PTPRN2: variants seen among roughly 807,000 people sequenced by gnomAD.
PTPRN2 encodes the protein receptor-type tyrosine-protein phosphatase N2.
In PTPRN2, 74 loss-of-function variants were observed where a neutral mutation model predicts 118.8. The observed-to-expected ratio is 0.62, with a 90% confidence interval of 0.52 to 0.76. The LOEUF is 0.76. PTPRN2 is among the 30% of genes least tolerant of loss of function. PTPRN2 has a pLI of 0.00. For missense variants in PTPRN2, 1,481 were observed against 1,394.4 expected, an observed-to-expected ratio of 1.06 and a Z score of -0.99; for synonymous variants, 641 against 608.0, an observed-to-expected ratio of 1.05 and a Z score of -0.80.
intron 1 of PTPRN2, among the ~76,000 whole-genome samples, chr7:158,532,565 G>A (rs1396507455): frequency 1.3e-5 from 2 of 152,086 alleles, no homozygotes; most frequent in Admixed American, 6.5e-5. Flanking sequence ...GCTATTGTAT[G>A]TGACTTTGAT....
chr7:158,354,066 T>G (rs951513924), intron 2 of PTPRN2, among the ~76,000 whole-genome samples: 1 of 152,214 alleles, frequency 6.6e-6, no homozygotes, highest in African/African-American at 2.4e-5. Flanking sequence ...TCCCACGTTA[T>G]CAGGACATCC....
intron 10 of PTPRN2, among the ~76,000 whole-genome samples, chr7:158,106,126 TTCATC>T (rs1162765279): frequency 6.6e-6 from 1 of 151,938 alleles, no homozygotes; most frequent in Non-Finnish European, 1.5e-5. Flanking sequence ...TGTCCTCAGA[TTCATC>T]TCAGCTTTTT....
intron 5 of PTPRN2, among the ~76,000 whole-genome samples, chr7:158,174,680 C>A (rs892710861): frequency 6.6e-6 from 1 of 152,162 alleles, no homozygotes; most frequent in African/African-American, 2.4e-5. Flanking sequence ...GGAGTTGAGT[C>A]ATAGACATTA....
intron 2 of PTPRN2, among the ~76,000 whole-genome samples, chr7:158,466,505 G>A (rs1819398214): frequency 6.6e-6 from 1 of 152,094 alleles, no homozygotes; most frequent in Non-Finnish European, 1.5e-5. Flanking sequence ...GAAAATGACA[G>A]GATCTCCTTT....
chr7:158,263,223 G>A (rs765387592), intron 3 of PTPRN2, among the ~76,000 whole-genome samples: 44 of 152,192 alleles, frequency 2.9e-4, no homozygotes, highest in South Asian at 1.7e-3. Flanking sequence ...GTGTGCACCC[G>A]CATGTGCCTA....
Position 158,565,778 on chromosome 7 carries a change from G to A in PTPRN2, c.112+21780C>T, listed in dbSNP as rs764853155. 3.3e-5 allele frequency among the ~76,000 whole-genome samples: 5 copies of A among 152,274 alleles called. 1 individual carries two copies. In the East Asian group the frequency reaches 5.8e-4, roughly 18 times the overall value. On this transcript the variant is annotated intron_variant, in intron 1 of 22. Transcript: ENST00000389418. This position sits in a 1 kb window ranked among gnomAD's most constrained non-coding sequence, Gnocchi z 4.6. Reference sequence around the variant, plus strand: ...GCACTGTTCCCGTAGTTACCCGCACGTCTAGAGACTGTCCCACATCTCCAA... The same window carrying A: ...GCACTGTTCCCGTAGTTACCCGCACATCTAGAGACTGTCCCACATCTCCAA...
chr7:157,789,399 C>T (rs1804285588), intron 12 of PTPRN2, among the ~76,000 whole-genome samples: 1 of 152,256 alleles, frequency 6.6e-6, no homozygotes, highest in African/African-American at 2.4e-5. Flanking sequence ...TGGGCACAGA[C>T]ATCTTGTACA....
rs1393081710 is a variant in PTPRN2 at position 157,953,521 on chromosome 7, C to A, written c.1724-54784G>T. On this transcript the variant is annotated intron_variant, in intron 11 of 22. Coordinates refer to ENST00000389418, the MANE Select transcript of PTPRN2 (RefSeq NM_002847.5). The surrounding 1 kb of genome is among the most constrained non-coding windows in gnomAD (Gnocchi z 4.6). ...GAGGCTGCTGGCACGGGTGCCTTTG[C>A]TGCCGGCTGCTGTCTGTGCTGCCCT... 1.3e-5 allele frequency among the ~76,000 whole-genome samples: 2 copies of A among 152,180 alleles called. No individual in the cohort carries two copies. The highest frequency in any genetic ancestry group is 4.8e-5 in the African/African-American group (2 of 41,450).
At chr7:158,070,324 TCG>T (rs1563386197) in intron 11 of PTPRN2, among the ~76,000 whole-genome samples, 29 of 130,996 alleles carry the variant, frequency 2.2e-4, no homozygotes, top group South Asian at 5.4e-4. Context: ...GTGGAGGTGC[TCG>T]TGGTGTGGAG....
chr7:157,739,795 G>T (rs117864128), intron 12 of PTPRN2, among the ~76,000 whole-genome samples: 1,558 of 152,330 alleles, frequency 0.01, 60 homozygotes, highest in Admixed American at 0.07. Flanking sequence ...ATGTGCTTTG[G>T]TTCTGACGGC....
chr7:158,312,642 CCTT>C (rs1801929992), intron 3 of PTPRN2, among the ~76,000 whole-genome samples: 1 of 150,752 alleles, frequency 6.6e-6, no homozygotes, highest in Non-Finnish European at 1.5e-5. Context: ...GAGATTCTTT[CCTT>C]CAAGTGTGCA....
intron 3 of PTPRN2, among the ~76,000 whole-genome samples, chr7:158,228,170 C>A (rs1828937008): frequency 6.6e-6 from 1 of 152,158 alleles, no homozygotes; most frequent in South Asian, 2.1e-4. Flanking sequence ...TATATGTTCA[C>A]ACTTCACTTT....
At chr7:158,560,564 G>A (rs1053445808) in intron 1 of PTPRN2, among the ~76,000 whole-genome samples, 5 of 152,254 alleles carry the variant, frequency 3.3e-5, no homozygotes, top group African/African-American at 4.8e-5. Flanking sequence ...GACCACTTGC[G>A]CTCCGCGCGC....
chr7:158,058,133 C>A (rs151020419), intron 11 of PTPRN2, among the ~76,000 whole-genome samples: 3 of 152,324 alleles, frequency 2.0e-5, no homozygotes, highest in African/African-American at 4.8e-5. Context: ...ACTCCATCTG[C>A]GCACGGTGAC....
chr7:157,574,989 A>G (rs1374446319), intron 19 of PTPRN2, among the ~76,000 whole-genome samples: 1 of 152,224 alleles, frequency 6.6e-6, no homozygotes, highest in Non-Finnish European at 1.5e-5. Flanking sequence ...TTTTGAATTT[A>G]ACAAAAACCT....
In PTPRN2 at chr7:157,730,341, C is replaced by T. The variant is rs963746856; in HGVS notation, c.1789-47404G>A. Among the ~76,000 whole-genome samples, 3 of 152,248 alleles carry T rather than the reference C, an allele frequency of 2.0e-5. 1 individual carries two copies. In the South Asian group the frequency reaches 6.2e-4, roughly 31 times the overall value. ...GGAACTGTTTTTTGAAATGTGGCTA[C>T]TGTCCTTTCCTCTTCTAGAAAAACG... On this transcript the variant is annotated intron_variant, in intron 12 of 22. Coordinates refer to ENST00000389418, the MANE Select transcript of PTPRN2 (RefSeq NM_002847.5).
Position 158,324,389 on chromosome 7 carries a change from G to A in PTPRN2, c.164-7457C>T, listed in dbSNP as rs528809876. On this transcript the variant is annotated intron_variant, in intron 2 of 22. Coordinates refer to ENST00000389418, the MANE Select transcript of PTPRN2 (RefSeq NM_002847.5). Reference sequence around the variant, plus strand: ...AAAGAAAATGGAGATGTCCGTGGAAGTGTTTAAGACCATCAGCTAGAAGCC... The same window carrying A: ...AAAGAAAATGGAGATGTCCGTGGAAATGTTTAAGACCATCAGCTAGAAGCC... 8.9e-4 allele frequency among the ~76,000 whole-genome samples: 135 copies of A among 152,326 alleles called. 1 individual carries two copies. Among genetic ancestry groups the A allele is most frequent in the African/African-American group, 3.0e-3 (124 of 41,570 alleles).
intron 1 of PTPRN2, among the ~76,000 whole-genome samples, chr7:158,572,469 G>A (rs974407366): frequency 8.5e-5 from 13 of 152,158 alleles, no homozygotes; most frequent in East Asian, 1.9e-4. Flanking sequence ...CTGTGCCTAC[G>A]AAGACAGCTG....
chr7:158,165,003 G>T lies in PTPRN2; in HGVS notation c.910+1928C>A, dbSNP rs1298819135. Among the ~76,000 whole-genome samples, 3 of 49,272 alleles carry T rather than the reference G, an allele frequency of 6.1e-5. 1 individual carries two copies. The East Asian group carries it at 3.0e-3, about 49-fold the overall frequency. The allele number at this position is 49,272 out of a possible 152,430, so 32.3% of individuals were successfully genotyped here. ...CCCCCTGATAGCGTCCAGGACCTAC[G>T]AGAGTGCAGGAGGCAGTGAAGACCC... is the stretch of plus-strand genomic sequence containing the variant. On this transcript the variant is annotated intron_variant, in intron 6 of 22. Coordinates refer to ENST00000389418, the MANE Select transcript of PTPRN2 (RefSeq NM_002847.5).
Sources: gnomAD v4.1 joint callset for allele counts (sites outside exome capture counted in the v4.1 genomes callset) on GRCh38, gnomAD v4.1.1 for gene constraint, Gnocchi (gnomAD v3.1) non-coding constraint, MANE v1.5 for transcripts, NCBI Gene and HGNC (gene_info 2026-07-23, HGNC 2026-07-21) for gene names.